The following RTP5 variants were observed in gnomAD, a reference collection of about 807,000 sequenced individuals.
RTP5 encodes the protein receptor transporter protein 5 (putative).
In RTP5, 30 loss-of-function variants were observed where a neutral mutation model predicts 23.5. That is an observed-to-expected ratio of 1.27 (90% CI 0.95 to 1.73). The LOEUF is 1.73. Among genes scored for constraint, RTP5 ranks in the 40% most tolerant of loss-of-function variants. The pLI is 0.00. For synonymous variants in RTP5, 354 were observed against 342.1 expected (o/e 1.03, Z -0.38); for missense variants, 807 against 784.2 (o/e 1.03, Z -0.35).
chr2:241,872,195 G>A lies in RTP5; in HGVS notation c.640G>A (p.Asp214Asn), dbSNP rs1701333874. The A allele has an allele frequency of 6.2e-7, 1 of 1,611,986 alleles. No homozygotes were observed. The highest frequency in any genetic ancestry group is 8.5e-7 in the Non-Finnish European group (1 of 1,179,350). ...CTTCTCCCTTGTGGGTACCAGCAAT[G>A]ACCAGGTGCCCATCGCTGAGGGCCC... ...IPFSLVGTSN[D>N]QVPIAEGPAP... Residue 214 changes from aspartate (D) to asparagine (N), a missense_variant, in exon 2 of 2, where the codon GAC becomes AAC. Asp to Asn is a conservative substitution (Grantham distance 23). Coordinates refer to ENST00000343216, the MANE Select transcript of RTP5 (RefSeq NM_173821.3).
Position 241,871,780 on chromosome 2 carries a change from G to C in RTP5, c.225G>C (p.Trp75Cys). The change falls in exon 2 of 2, where the codon TGG (tryptophan) becomes TGC (cysteine). Residue 75 changes from tryptophan to cysteine, a missense_variant. Transcript: ENST00000343216. ...SAHVHVLFHL[W>C]WDRASHRGLV... is the part of the protein sequence containing the mutation. Reference sequence around the variant, plus strand: ...ATGTGCACGTCCTCTTCCACCTGTGGTGGGACAGGGCCAGCCACCGGGGGC... The same window carrying C: ...ATGTGCACGTCCTCTTCCACCTGTGCTGGGACAGGGCCAGCCACCGGGGGC... 1.9e-6 allele frequency: 3 copies of C among 1,592,250 alleles called. No individual in the cohort carries two copies. Among genetic ancestry groups the C allele is most frequent in the Middle Eastern group, 1.7e-4 (1 of 6,038 alleles).
Position 241,872,296 on chromosome 2 carries a change from C to T in RTP5, c.741C>T (p.Phe247=), listed in dbSNP as rs374804727. The change falls in exon 2 of 2, where the codon TTC becomes TTT. Residue 247 remains phenylalanine, a synonymous_variant. Transcript: ENST00000343216. ...EALVIGQGSI[F]LSGDSVAMPG... The stretch of plus-strand genomic sequence containing the variant: ...TGGTCATCGGCCAGGGCTCCATCTT[C>T]CTGTCTGGGGATTCAGTGGCCATGC... The T allele has an allele frequency of 1.3e-6, 2 of 1,599,880 alleles. No individual in the cohort carries two copies. Among genetic ancestry groups the T allele is most frequent in the Non-Finnish European group, 8.5e-7 (1 of 1,172,128 alleles).
Position 241,871,934 on chromosome 2 carries a change from G to C in RTP5, c.379G>C (p.Gly127Arg). The change falls in exon 2 of 2, where the codon GGG (glycine) becomes CGG (arginine). Residue 127 changes from glycine to arginine, a missense_variant. Physicochemically the swap from Gly to Arg is moderately radical, Grantham distance 125 (BLOSUM62 -2). Coordinates refer to ENST00000343216, the MANE Select transcript of RTP5 (RefSeq NM_173821.3). ...CTTGCACATCCTGCAGGACTGCTAC[G>C]GGGATGGCCCCGGCCCAGCCCGGCA... is the stretch of plus-strand genomic sequence containing the variant. Reference protein sequence around the residue: ...LVLHILQDCYGDGPGPARHPR... With the variant: ...LVLHILQDCYRDGPGPARHPR... 1 of 1,589,172 alleles carries C rather than the reference G, an allele frequency of 6.3e-7. No individual in the cohort carries two copies. Among genetic ancestry groups the C allele is most frequent in the East Asian group, 2.3e-5 (1 of 43,958 alleles).
At position 241,873,173 on chromosome 2, in the gene RTP5, C is replaced by T. The variant is rs777233944; in HGVS notation, c.1618C>T (p.Pro540Ser). Reference sequence around the variant, plus strand: ...TGCCTGCCGTAGGCCGCACGCCGAGCCCTACGAGGACTTCTGGATCTGGGT... The same window carrying T: ...TGCCTGCCGTAGGCCGCACGCCGAGTCCTACGAGGACTTCTGGATCTGGGT... Reference protein sequence around the residue: ...GRACRRPHAEPYEDFWIWVSM... With the variant: ...GRACRRPHAESYEDFWIWVSM... Residue 540 changes from proline to serine, a missense_variant, in exon 2 of 2, where the codon CCC becomes TCC. Transcript: ENST00000343216. 3 of 1,611,406 alleles carry T rather than the reference C, an allele frequency of 1.9e-6. No individual in the cohort carries two copies. Among genetic ancestry groups the T allele is most frequent in the Non-Finnish European group, 2.5e-6 (3 of 1,179,828 alleles).
rs1701364090 is a variant in RTP5 at position 241,873,315 on chromosome 2, C to T, written c.*41C>T. On this transcript the variant is annotated 3_prime_UTR_variant, in exon 2 of 2. Coordinates refer to ENST00000343216, the MANE Select transcript of RTP5 (RefSeq NM_173821.3). ...GCAACCCTCGCCTCTGGGACCCCGC[C>T]TCGCCTCTGAGACACCCCCCAACCC... 1 of 1,534,262 alleles carries T rather than the reference C, an allele frequency of 6.5e-7. No homozygotes were observed. Among genetic ancestry groups the T allele is most frequent in the Non-Finnish European group, 8.7e-7 (1 of 1,143,572 alleles).
Position 241,873,074 on chromosome 2 carries a change from A to T in RTP5, c.1519A>T (p.Lys507Ter), listed in dbSNP as rs1378497997. Residue 507 changes from lysine (K) to a stop codon, truncating the protein, a stop_gained, in exon 2 of 2, where the codon AAG (lysine) becomes TAG (stop). Transcript: ENST00000343216. LOFTEE classifies it high-confidence loss of function. ...NGCFSQGYYQ[K>*]RQLRSRFHKA... ...CTGCTTCTCCCAAGGCTATTACCAG[A>T]AGAGGCAGCTGAGGTCCAGGTTCCA... 2 of 1,612,796 alleles carry T rather than the reference A, an allele frequency of 1.2e-6. No homozygotes were observed. The highest frequency in any genetic ancestry group is 2.7e-5 in the African/African-American group (2 of 74,926).
In RTP5 at chr2:241,873,341, C is replaced by T. The variant is rs528152924; in HGVS notation, c.*67C>T. On this transcript the variant is annotated 3_prime_UTR_variant, in exon 2 of 2. Coordinates refer to ENST00000343216, the MANE Select transcript of RTP5 (RefSeq NM_173821.3). ...TCGCCTCTGAGACACCCCCCAACCC[C>T]GCCTTTGAGATGCCCGCCCCGCCTC... The T allele has an allele frequency of 2.5e-5, 37 of 1,495,022 alleles. No homozygotes were observed. Among genetic ancestry groups the T allele is most frequent in the Middle Eastern group, 2.1e-4 (1 of 4,674 alleles). 92.6% of individuals were successfully genotyped at this position (1,495,022 alleles called of 1,614,324 possible). A position where few individuals can be genotyped will look rare whatever the true frequency, so the allele number is the denominator to read the frequency against.
Position 241,872,762 on chromosome 2 carries a change from G to A in RTP5, c.1207G>A (p.Asp403Asn), listed in dbSNP as rs770093825. ...CCAGGGCCTCGTCCCAGTGGGTCACGACGCCCTGCCAGAGACCAATGCTGG... is the reference window on the plus strand; with the variant it reads ...CCAGGGCCTCGTCCCAGTGGGTCACAACGCCCTGCCAGAGACCAATGCTGG... ...GGQGLVPVGH[D>N]ALPETNAGGL... Residue 403 changes from aspartate (D) to asparagine (N), a missense_variant, in exon 2 of 2, where the codon GAC (aspartate) becomes AAC (asparagine). Asp to Asn is a conservative substitution (Grantham distance 23). Transcript: ENST00000343216. The A allele has an allele frequency of 8.8e-6, 14 of 1,599,422 alleles. No individual in the cohort carries two copies. The highest frequency in any genetic ancestry group is 1.3e-5 in the African/African-American group (1 of 74,606).
chr2:241,871,652 G>A, intron 1 of RTP5, 62 bp from the exon 2 acceptor site: 1 of 1,508,244 alleles, frequency 6.6e-7, no homozygotes, highest in Non-Finnish European at 8.9e-7. Flanking sequence ...AGAGCAGAGT[G>A]CGAGGGCTGG....
rs549280656 is a variant in RTP5 at position 241,870,470 on chromosome 2, G to T, written c.158+556G>T. On this transcript the variant is annotated intron_variant, in intron 1 of 1. Coordinates refer to ENST00000343216, the MANE Select transcript of RTP5 (RefSeq NM_173821.3). The stretch of plus-strand genomic sequence containing the variant: ...CCACAGCTCGGCCGGGTGCCAGCTG[G>T]GAGGGGCGCGGGGCAGCTCCACATC... Among the ~76,000 whole-genome samples the T allele has an allele frequency of 5.2e-5, 8 of 152,394 alleles. 1 individual carries two copies. In the South Asian group the frequency reaches 1.7e-3, roughly 32 times the overall value.
At position 241,872,005 on chromosome 2, in the gene RTP5, G is replaced by A. The variant is rs771416898; in HGVS notation, c.450G>A (p.Gly150=). The A allele has an allele frequency of 1.6e-5, 26 of 1,579,172 alleles. No individual in the cohort carries two copies. Among genetic ancestry groups the A allele is most frequent in the Non-Finnish European group, 2.0e-5 (23 of 1,160,644 alleles). ...GCTGCTGTGAGGCCTGTGAGCTGGGGGTCTGCTTCCTCCAGAAGGCCCCAG... is the reference window on the plus strand; with the variant it reads ...GCTGCTGTGAGGCCTGTGAGCTGGGAGTCTGCTTCCTCCAGAAGGCCCCAG... ...YEGCCEACEL[G]VCFLQKAPDP... The change falls in exon 2 of 2, where the codon GGG becomes GGA. Residue 150 remains glycine, a synonymous_variant. Transcript: ENST00000343216.
rs1408156689 is a variant in RTP5, at chr2:241,871,877, C to T, written c.322C>T (p.Pro108Ser). The T allele has an allele frequency of 1.3e-6, 2 of 1,550,166 alleles. No individual in the cohort carries two copies. Among genetic ancestry groups the T allele is most frequent in the African/African-American group, 2.7e-5 (2 of 73,766 alleles). ...ACCCGGGGACTGCCAGGTGAGGCCC[C>T]CGGGCGAGCAGCCCTTCCTCAGCAG... Reference protein sequence around the residue: ...PAPGDCQVRPPGEQPFLSRLV... With the variant: ...PAPGDCQVRPSGEQPFLSRLV... Residue 108 changes from proline to serine, a missense_variant, in exon 2 of 2, where the codon CCG becomes TCG. Transcript: ENST00000343216.
Position 241,871,865 on chromosome 2 carries a change from C to G in RTP5, c.310C>G (p.Gln104Glu). ...GCTGTGCCCCGCACCCGGGGACTGC[C>G]AGGTGAGGCCCCCGGGCGAGCAGCC... ...CRLCPAPGDC[Q>E]VRPPGEQPFL... The change falls in exon 2 of 2, where the codon CAG (glutamine) becomes GAG (glutamate). Residue 104 changes from glutamine (Q) to glutamate (E), a missense_variant. Coordinates refer to ENST00000343216, the MANE Select transcript of RTP5 (RefSeq NM_173821.3). 6.5e-7 allele frequency: 1 copy of G among 1,547,438 alleles called. No individual in the cohort carries two copies. The highest frequency in any genetic ancestry group is 8.7e-7 in the Non-Finnish European group (1 of 1,143,482).
In RTP5 at chr2:241,872,617, G is replaced by A. The variant is rs762953298; in HGVS notation, c.1062G>A (p.Ser354=). Residue 354 remains serine, a synonymous_variant, in exon 2 of 2, where the codon TCG becomes TCA. Transcript: ENST00000343216. ...CCAGCATCTTCACCAACACCCTCTCGGAGCCCACCGATGGCCCTGTGGCCA... is the reference window on the plus strand; with the variant it reads ...CCAGCATCTTCACCAACACCCTCTCAGAGCCCACCGATGGCCCTGTGGCCA... ...SLTSIFTNTL[S]EPTDGPVATK... 54 of 1,546,818 alleles carry A rather than the reference G, an allele frequency of 3.5e-5. No homozygotes were observed. The highest frequency in any genetic ancestry group is 3.2e-4 in the East Asian group (14 of 44,290).
rs1440573696 is a variant in RTP5 at position 241,873,035 on chromosome 2, C to T, written c.1480C>T (p.Pro494Ser). 1.2e-6 allele frequency: 2 copies of T among 1,612,978 alleles called. No individual in the cohort carries two copies. Among genetic ancestry groups the T allele is most frequent in the Admixed American group, 3.3e-5 (2 of 60,000 alleles). Residue 494 changes from proline to serine, a missense_variant, in exon 2 of 2, where the codon CCC becomes TCC. Physicochemically the swap from Pro to Ser is moderately conservative, Grantham distance 74. Transcript: ENST00000343216. ...RKGGGHVAYG[P>S]QGNGCFSQGY... ...GGGCGGTGGCCACGTTGCCTACGGC[C>T]CCCAGGGCAATGGCTGCTTCTCCCA...
At position 241,873,145 on chromosome 2, in the gene RTP5, C is replaced by A; in HGVS notation, c.1590C>A (p.Gly530=). 1.2e-6 allele frequency: 2 copies of A among 1,611,774 alleles called. No individual in the cohort carries two copies. Among genetic ancestry groups the A allele is most frequent in the South Asian group, 1.1e-5 (1 of 91,068 alleles). ...GCRREEDERP[G]RACRRPHAEP... ...GCCGGGAGGAAGACGAGCGCCCTGGCCGTGCCTGCCGTAGGCCGCACGCCG... is the reference window on the plus strand; with the variant it reads ...GCCGGGAGGAAGACGAGCGCCCTGGACGTGCCTGCCGTAGGCCGCACGCCG... The change falls in exon 2 of 2, where the codon GGC becomes GGA. Residue 530 remains glycine, a synonymous_variant. Coordinates refer to ENST00000343216, the MANE Select transcript of RTP5 (RefSeq NM_173821.3).
Position 241,872,404 on chromosome 2 carries a change from C to T in RTP5, c.849C>T (p.Phe283=), listed in dbSNP as rs780147230. 31 of 1,612,336 alleles carry T rather than the reference C, an allele frequency of 1.9e-5. No individual in the cohort carries two copies. The highest frequency in any genetic ancestry group is 3.3e-4 in the Middle Eastern group (2 of 6,080). ...TCCTCGGCAGCAGCATCCAGACCTT[C>T]GAGCTCAAGGGCTTCCTCTTCAAAG... ...PGLLGSSIQT[F]ELKGFLFKGR... The change falls in exon 2 of 2, where the codon TTC becomes TTT. Residue 283 remains phenylalanine (F), a synonymous_variant. Coordinates refer to ENST00000343216, the MANE Select transcript of RTP5 (RefSeq NM_173821.3).
rs748121608 is a variant in RTP5, at chr2:241,871,730, T to C, written c.175T>C (p.Cys59Arg). Reference protein sequence around the residue: ...VGLSRLQCGHCPGTWDSAHVH... With the variant: ...VGLSRLQCGHRPGTWDSAHVH... The stretch of plus-strand genomic sequence containing the variant: ...CCGCCGCAGGCTCCAGTGCGGTCAC[T>C]GTCCGGGGACCTGGGACTCGGCCCA... Residue 59 changes from cysteine (C) to arginine (R), a missense_variant, in exon 2 of 2, where the codon TGT (cysteine) becomes CGT (arginine). Physicochemically the swap from Cys to Arg is radical, Grantham distance 180 (BLOSUM62 -3). Transcript: ENST00000343216. 7.5e-6 allele frequency: 12 copies of C among 1,605,988 alleles called. No homozygotes were observed. Among genetic ancestry groups the C allele is most frequent in the Non-Finnish European group, 1.0e-5 (12 of 1,176,980 alleles).
Position 241,873,249 on chromosome 2 carries a change from C to G in RTP5, c.1694C>G (p.Pro565Arg). The G allele has an allele frequency of 6.3e-7, 1 of 1,590,248 alleles. No individual in the cohort carries two copies. Among genetic ancestry groups the G allele is most frequent in the Non-Finnish European group, 8.5e-7 (1 of 1,172,598 alleles). ...CTGATGTGCATGTGTCGGCTGAACC[C>G]CGGGATCTACCCGCAGCAAGTGTGA... ...FWLMCMCRLN[P>R]GIYPQQV is the part of the protein sequence containing the mutation. The change falls in exon 2 of 2, where the codon CCC becomes CGC. Residue 565 changes from proline (P) to arginine (R), a missense_variant. Physicochemically the swap from Pro to Arg is moderately radical, Grantham distance 103. Coordinates refer to ENST00000343216, the MANE Select transcript of RTP5 (RefSeq NM_173821.3).
Sources: gnomAD v4.1 joint callset for allele counts (sites outside exome capture counted in the v4.1 genomes callset) on GRCh38, gnomAD v4.1.1 for gene constraint, MANE v1.5 for transcripts, NCBI Gene and HGNC (gene_info 2026-07-23, HGNC 2026-07-21) for gene names.